ADORA2B: variants seen among roughly 807,000 people sequenced by gnomAD.
The protein encoded by ADORA2B is adenosine A2b receptor, also known as adenosine receptor A2b.
Under a neutral mutation model 20.8 loss-of-function variants are expected in ADORA2B, and 18 were observed. The ratio of observed to expected loss-of-function variants is 0.87; its 90% CI spans 0.60 to 1.29. The LOEUF (loss-of-function observed/expected upper bound fraction) is 1.29. ADORA2B is among the 50% of genes most tolerant of loss of function. ADORA2B has a pLI of 0.00. For synonymous variants in ADORA2B, 179 were observed against 178.3 expected (o/e 1.00, Z -0.03); for missense variants, 441 against 422.7 (o/e 1.04, Z -0.38).
At chr17:15,870,906 T>C in the ADORA2B span, among the ~76,000 whole-genome samples, 30 of 152,352 alleles carry the variant, frequency 2.0e-4, no homozygotes, top group South Asian at 6.2e-3. Flanking sequence ...CACTGTGGGC[T>C]TCCACTCTAT....
chr17:15,869,336 AATAATT>A, the ADORA2B span, among the ~76,000 whole-genome samples: 14 of 147,734 alleles, frequency 9.5e-5, no homozygotes, highest in Admixed American at 3.4e-4. Flanking sequence ...TAATAATAAT[AATAATT>A]ATTATTATTA....
the ADORA2B span, among the ~76,000 whole-genome samples, chr17:15,918,894 G>A: frequency 6.6e-6 from 1 of 152,300 alleles, no homozygotes. Context: ...GGGACAGGCA[G>A]GTCACTCTGT....
chr17:15,942,384 C>T (rs1428676684), upstream of ADORA2B, among the ~76,000 whole-genome samples: 2 of 152,072 alleles, frequency 1.3e-5, no homozygotes, highest in Non-Finnish European at 2.9e-5. Context: ...AGTAAAGCTC[C>T]CTGAGGCCCC....
chr17:15,871,119 TG>T, the ADORA2B span, among the ~76,000 whole-genome samples: 1 of 152,232 alleles, frequency 6.6e-6, no homozygotes, highest in Non-Finnish European at 1.5e-5. Flanking sequence ...CAGTGTGCTT[TG>T]GGGCACCCGC....
intron 1 of ADORA2B, among the ~76,000 whole-genome samples, chr17:15,954,014 T>G (rs1969938050): frequency 6.6e-6 from 1 of 152,074 alleles, no homozygotes; most frequent in Non-Finnish European, 1.5e-5. Context: ...AGTCTCGCTC[T>G]GTCGCCCAAG....
chr17:15,921,954 C>T, the ADORA2B span, among the ~76,000 whole-genome samples: 1 of 152,184 alleles, frequency 6.6e-6, no homozygotes, highest in Non-Finnish European at 1.5e-5. Context: ...CCCATGGCTA[C>T]ACCTAGCTTC....
At chr17:15,881,355 C>T in the ADORA2B span, among the ~76,000 whole-genome samples, 19 of 152,342 alleles carry the variant, frequency 1.2e-4, no homozygotes, top group African/African-American at 3.6e-4. Flanking sequence ...TCTGCCTCGG[C>T]CTCCCGAAGT....
chr17:15,853,907 C>T, the ADORA2B span, among the ~76,000 whole-genome samples: 1 of 151,978 alleles, frequency 6.6e-6, no homozygotes, highest in East Asian at 1.9e-4. Context: ...TGCAAAAATC[C>T]AGAACAAAAT....
At chr17:15,911,086 G>A in the ADORA2B span, among the ~76,000 whole-genome samples, 1 of 152,206 alleles carries the variant, frequency 6.6e-6, no homozygotes, top group African/African-American at 2.4e-5. Flanking sequence ...GTGGGGCAGG[G>A]ATCTCCCTGG....
intron 1 of ADORA2B, among the ~76,000 whole-genome samples, chr17:15,963,825 C>T (rs1970068117): frequency 6.6e-6 from 1 of 152,190 alleles, no homozygotes; most frequent in South Asian, 2.1e-4. Flanking sequence ...CTGCATTGCT[C>T]ATCTTTTGTT....
At chr17:15,875,089 TGC>T in the ADORA2B span, among the ~76,000 whole-genome samples, 1 of 152,174 alleles carries the variant, frequency 6.6e-6, no homozygotes, top group African/African-American at 2.4e-5. Flanking sequence ...CTTTTCTGTT[TGC>T]ATGTTCTTCT....
At chr17:15,893,439 A>G in the ADORA2B span, among the ~76,000 whole-genome samples, 15 of 152,186 alleles carry the variant, frequency 9.9e-5, no homozygotes, top group Non-Finnish European at 1.8e-4. Flanking sequence ...CAGAGTGGAC[A>G]CCACACTCCA....
At chr17:15,957,922 GTTTT>G (rs1045424369) in intron 1 of ADORA2B, among the ~76,000 whole-genome samples, 2 of 149,754 alleles carry the variant, frequency 1.3e-5, no homozygotes, top group African/African-American at 4.9e-5. Flanking sequence ...ACTGCTGAGT[GTTTT>G]TTTTTGTTTG....
At chr17:15,968,663 T>C (rs544335476) in intron 1 of ADORA2B, among the ~76,000 whole-genome samples, 18 of 152,186 alleles carry the variant, frequency 1.2e-4, no homozygotes, top group Admixed American at 1.2e-3. Context: ...TGGGGCGAAA[T>C]TGGAATCAGA....
At chr17:15,867,540 T>C in the ADORA2B span, among the ~76,000 whole-genome samples, 1 of 145,586 alleles carries the variant, frequency 6.9e-6, no homozygotes, top group Admixed American at 6.8e-5. Context: ...GAGGAGCGTC[T>C]CCGCCCGGCA....
At chr17:15,866,342 G>A in the ADORA2B span, among the ~76,000 whole-genome samples, 1 of 152,088 alleles carries the variant, frequency 6.6e-6, no homozygotes, top group East Asian at 1.9e-4. Flanking sequence ...TGGAGGTCAT[G>A]TGGGTAATGT....
chr17:15,951,195 C>T (rs1969897130), intron 1 of ADORA2B, among the ~76,000 whole-genome samples: 1 of 152,196 alleles, frequency 6.6e-6, no homozygotes, highest in African/African-American at 2.4e-5. Flanking sequence ...TTCTAATGAT[C>T]GGAAGACAGG....
At chr17:15,908,366 A>G in the ADORA2B span, among the ~76,000 whole-genome samples, 23 of 152,198 alleles carry the variant, frequency 1.5e-4, 1 homozygote, top group East Asian at 2.9e-3. Context: ...GTGGGAGAAA[A>G]AGTCTTTTCT....
the ADORA2B span, among the ~76,000 whole-genome samples, chr17:15,920,828 C>T: frequency 6.6e-6 from 1 of 152,172 alleles, no homozygotes; most frequent in African/African-American, 2.4e-5. Context: ...TGACAGGCCT[C>T]ATCCCTTGGA....
Sources: gnomAD v4.1 joint callset for allele counts (sites outside exome capture counted in the v4.1 genomes callset) on GRCh38, gnomAD v4.1.1 for gene constraint, MANE v1.5 for transcripts, NCBI Gene and HGNC (gene_info 2026-07-23, HGNC 2026-07-21) for gene names.